RFX8: variants seen among roughly 807,000 people sequenced by gnomAD.
The protein encoded by RFX8 is regulatory factor X8, also known as DNA-binding protein RFX8.
Under a neutral mutation model 54.6 loss-of-function variants are expected in RFX8, and 46 were observed. The observed-to-expected ratio is 0.84, with a 90% CI of 0.67 to 1.08. RFX8 has a LOEUF of 1.08. RFX8 is among the 50% of genes least tolerant of loss of function. The probability of loss-of-function intolerance (pLI) is 0.00; values close to 1 mark genes in which losing one functional copy is unlikely to be tolerated. For synonymous variants in RFX8, 192 were observed against 209.5 expected (o/e 0.92, Z 0.72); for missense variants, 536 against 562.3 (o/e 0.95, Z 0.47).
At chr2:101,408,615 G>C (rs1248247210) in intron 9 of RFX8, among the ~76,000 whole-genome samples, 1 of 152,206 alleles carries the variant, frequency 6.6e-6, no homozygotes, top group African/African-American at 2.4e-5. Context: ...TGTCTCAGTA[G>C]CCATCCAGCT....
chr2:101,459,544 GGCT>G (rs1433712178), intron 2 of RFX8, among the ~76,000 whole-genome samples: 1 of 152,160 alleles, frequency 6.6e-6, no homozygotes, highest in African/African-American at 2.4e-5. Context: ...CACCAGCAGA[GGCT>G]GCAGAACAGC....
intron 5 of RFX8, among the ~76,000 whole-genome samples, chr2:101,418,009 C>T (rs1357065018): frequency 6.6e-6 from 1 of 152,194 alleles, no homozygotes; most frequent in Non-Finnish European, 1.5e-5. Context: ...CCTACCTCAG[C>T]CTCCCAAGTA....
At chr2:101,446,678 A>G (rs1558876485) in intron 2 of RFX8, among the ~76,000 whole-genome samples, 1 of 151,944 alleles carries the variant, frequency 6.6e-6, no homozygotes, top group Non-Finnish European at 1.5e-5. Flanking sequence ...TCGGAAACAA[A>G]CAGAGTCCCC....
chr2:101,421,685 T>C, intron 4 of RFX8, 39 bp downstream of exon 4: 2 of 1,531,986 alleles, frequency 1.3e-6, no homozygotes, highest in East Asian at 2.5e-5. Flanking sequence ...TTGTATTTTA[T>C]AGATAAAACC....
At chr2:101,439,832 TC>T (rs1397175460) in intron 2 of RFX8, among the ~76,000 whole-genome samples, 14 of 152,030 alleles carry the variant, frequency 9.2e-5, no homozygotes, top group Non-Finnish European at 2.1e-4. Context: ...CCTGTCGGCC[TC>T]CCGACATGCT....
intron 2 of RFX8, among the ~76,000 whole-genome samples, chr2:101,464,685 G>A (rs1255235944): frequency 1.3e-5 from 2 of 152,140 alleles, no homozygotes; most frequent in African/African-American, 2.4e-5. Flanking sequence ...TTGGCACCTT[G>A]AGGAATTCTA....
chr2:101,458,055 T>A (rs1404599837), intron 2 of RFX8, among the ~76,000 whole-genome samples: 1 of 152,158 alleles, frequency 6.6e-6, no homozygotes, highest in Admixed American at 6.6e-5. Context: ...TCGCTTTGCA[T>A]TTGCTTGGTA....
intron 2 of RFX8, among the ~76,000 whole-genome samples, chr2:101,455,941 A>C (rs1688941088): frequency 6.6e-6 from 1 of 152,088 alleles, no homozygotes; most frequent in South Asian, 2.1e-4. Flanking sequence ...CATCCCTTAT[A>C]AGTTGTATTC....
chr2:101,454,857 C>T (rs1436959799), intron 2 of RFX8, among the ~76,000 whole-genome samples: 2 of 152,150 alleles, frequency 1.3e-5, no homozygotes, highest in Non-Finnish European at 2.9e-5. Flanking sequence ...TGCTTGTTCA[C>T]TCTGATGATA....
intron 2 of RFX8, among the ~76,000 whole-genome samples, chr2:101,454,288 G>C (rs1688851296): frequency 6.6e-6 from 1 of 152,142 alleles, no homozygotes; most frequent in Non-Finnish European, 1.5e-5. Flanking sequence ...TCCTAATCCA[G>C]TCTATCATTG....
At chr2:101,472,619 G>A (rs1690072808) in intron 1 of RFX8, among the ~76,000 whole-genome samples, 2 of 152,048 alleles carry the variant, frequency 1.3e-5, no homozygotes, top group Non-Finnish European at 1.5e-5. Flanking sequence ...TTCTTCCCTG[G>A]GCTACACTGT....
intron 2 of RFX8, among the ~76,000 whole-genome samples, chr2:101,443,422 C>T (rs752158685): frequency 1.2e-4 from 18 of 152,308 alleles, no homozygotes; most frequent in Middle Eastern, 6.8e-3. Flanking sequence ...ATTCCACTCA[C>T]TAGTAATATT....
intron 2 of RFX8, among the ~76,000 whole-genome samples, chr2:101,457,294 A>G (rs956150710): frequency 6.6e-6 from 1 of 151,998 alleles, no homozygotes; most frequent in Non-Finnish European, 1.5e-5. Flanking sequence ...TTTAATTGTG[A>G]TGTTAGGGTG....
chr2:101,468,580 G>A lies in RFX8; in HGVS notation c.-52-1680C>T, dbSNP rs114233020. On this transcript the variant is annotated intron_variant, in intron 1 of 11. Transcript: ENST00000428343. ...GCTGGGATTACAGGCATGAGTCACC[G>A]TGCATGGCTAGTATCTCTGTGAATT... 2.9e-3 allele frequency among the ~76,000 whole-genome samples: 448 copies of A among 152,182 alleles called. 2 individuals carry two copies. The highest frequency in any genetic ancestry group is 9.5e-3 in the African/African-American group (393 of 41,526).
chr2:101,457,978 T>G (rs192030226), intron 2 of RFX8, among the ~76,000 whole-genome samples: 27 of 152,344 alleles, frequency 1.8e-4, no homozygotes, highest in African/African-American at 5.5e-4. Context: ...CTTCTTTGTC[T>G]CTTTTGATCT....
At chr2:101,407,012 C>T (rs912304306) in intron 9 of RFX8, among the ~76,000 whole-genome samples, 5 of 152,160 alleles carry the variant, frequency 3.3e-5, no homozygotes, top group African/African-American at 1.2e-4. Flanking sequence ...CAGAGAGCAG[C>T]CTTGGGCCAC....
chr2:101,409,857 A>G (rs1476245087), intron 9 of RFX8, among the ~76,000 whole-genome samples: 4 of 151,920 alleles, frequency 2.6e-5, no homozygotes, highest in Non-Finnish European at 5.9e-5. Context: ...GAGCCCATGG[A>G]GTGAAGGGCC....
In RFX8 at chr2:101,422,471, C is replaced by T. The variant is rs998539290; in HGVS notation, c.74G>A (p.Cys25Tyr). 4 of 1,517,348 alleles carry T rather than the reference C, an allele frequency of 2.6e-6. No individual in the cohort carries two copies. The highest frequency in any genetic ancestry group is 2.8e-5 in the African/African-American group (2 of 72,460). 94.0% of individuals were successfully genotyped at this position (1,517,348 alleles called of 1,614,324 possible). A position where few individuals can be genotyped will look rare whatever the true frequency, so the allele number is the denominator to read the frequency against. ...TGTCTTCATCGGTGAATGATCTTCA[C>T]ACTAAAAATCATTTGTGCAATGGAT... ...NQVNPATFGKCEDHSPMKTDP... is the reference protein window; with the variant it reads ...NQVNPATFGKYEDHSPMKTDP... Residue 25 changes from cysteine (C) to tyrosine (Y), a missense_variant and splice_region_variant, in exon 3 of 12, where the codon TGT becomes TAT. Physicochemically the swap from Cys to Tyr is radical, Grantham distance 194. Coordinates refer to ENST00000428343, the MANE Select transcript of RFX8 (RefSeq NM_001145664.2).
rs550834848 is a variant in RFX8, at chr2:101,412,863, C to T, written c.718+52G>A. 1.1e-4 allele frequency: 164 copies of T among 1,511,930 alleles called. 2 individuals carry two copies. In the South Asian group the frequency reaches 1.8e-3, roughly 17 times the overall value. The allele number at this position is 1,511,930 out of a possible 1,614,324, so 93.7% of individuals were successfully genotyped here. On this transcript the variant is annotated intron_variant, in intron 8 of 11. Transcript: ENST00000428343. ...ATGAGTTAACGATGGCCATGCTAGC[C>T]CCAAATCTATGCCCAACACGCCAAT... is the stretch of plus-strand genomic sequence containing the variant.
Sources: allele counts gnomAD v4.1 joint callset (sites outside exome capture counted in the v4.1 genomes callset), GRCh38; gene constraint gnomAD v4.1.1; transcripts MANE v1.5; gene names NCBI Gene and HGNC (gene_info 2026-07-23, HGNC 2026-07-21).